The following THSD4 variants were observed in gnomAD, a reference collection of about 807,000 sequenced individuals.
THSD4 encodes the protein thrombospondin type 1 domain containing 4, also known as thrombospondin type-1 domain-containing protein 4.
THSD4 carries 69 observed loss-of-function variants against 119.0 expected under a neutral mutation model. The ratio of observed to expected loss-of-function variants is 0.58; its 90% confidence interval spans 0.48 to 0.71. THSD4 has a LOEUF of 0.71. Among genes scored for constraint, THSD4 ranks in the 30% least tolerant of loss-of-function variants. THSD4 has a pLI of 0.00. For missense variants in THSD4, 1,393 were observed against 1,391.1 expected (o/e 1.00, Z -0.02); for synonymous variants, 524 against 540.4 (o/e 0.97, Z 0.42).
chr15:71,121,599 C>T (rs1033671200), intron 1 of THSD4, among the ~76,000 whole-genome samples: 1 of 152,166 alleles, frequency 6.6e-6, no homozygotes, highest in African/African-American at 2.4e-5. Context: ...TGACATTACC[C>T]TGCCCCTCGT....
At chr15:71,604,672 A>C (rs2050074458) in intron 7 of THSD4, among the ~76,000 whole-genome samples, 1 of 152,356 alleles carries the variant, frequency 6.6e-6, no homozygotes, top group South Asian at 2.1e-4. Context: ...GAGCCCAAGG[A>C]AAGTTCTAGC....
At chr15:71,153,092 T>C (rs1443376213) in intron 2 of THSD4, among the ~76,000 whole-genome samples, 1 of 152,150 alleles carries the variant, frequency 6.6e-6, no homozygotes, top group Non-Finnish European at 1.5e-5. Flanking sequence ...GTTTGGCCTT[T>C]AGATGTTTTT....
chr15:71,184,367 G>C (rs529154876), intron 3 of THSD4, among the ~76,000 whole-genome samples: 5 of 151,748 alleles, frequency 3.3e-5, no homozygotes, highest in Non-Finnish European at 7.4e-5. Context: ...GGGAAATCTT[G>C]CTGTGTGAGA....
At chr15:71,591,512 C>G (rs1469091828) in intron 7 of THSD4, among the ~76,000 whole-genome samples, 1 of 152,208 alleles carries the variant, frequency 6.6e-6, no homozygotes, top group African/African-American at 2.4e-5. Flanking sequence ...AGGAGCAGAT[C>G]ATCCCCTGGG....
chr15:71,583,440 C>T (rs2049597251), intron 7 of THSD4, among the ~76,000 whole-genome samples: 1 of 146,504 alleles, frequency 6.8e-6, no homozygotes, highest in Admixed American at 7.0e-5. Flanking sequence ...TTTCTTCCTT[C>T]TGTGAATTTT....
intron 3 of THSD4, chr15:71,187,231 C>T (rs2141433645): frequency 6.5e-6 from 1 of 152,754 alleles, no homozygotes; most frequent in East Asian, 1.9e-4. Context: ...TCCCTTCCTC[C>T]ACACCCTTTC....
chr15:71,543,288 C>T (rs2048787453), intron 7 of THSD4, among the ~76,000 whole-genome samples: 1 of 152,104 alleles, frequency 6.6e-6, no homozygotes, highest in Non-Finnish European at 1.5e-5. Flanking sequence ...AGGAGAGTGA[C>T]ATGATTGGAG....
chr15:71,181,320 C>G lies in THSD4; in HGVS notation c.99+26388C>G, dbSNP rs144938433. Among the ~76,000 whole-genome samples, 414 of 152,314 alleles carry G rather than the reference C, an allele frequency of 2.7e-3. 1 individual carries two copies. The highest frequency in any genetic ancestry group is 4.3e-3 in the Non-Finnish European group (294 of 68,020). On this transcript the variant is annotated intron_variant, in intron 3 of 17. Coordinates refer to ENST00000261862, the MANE Select transcript of THSD4 (RefSeq NM_024817.3). ...TCAGTGTTCACTAATTTGTGCTGCT[C>G]TAAATTTCTTGGATTCAAAGTCAAC...
intron 5 of THSD4, among the ~76,000 whole-genome samples, chr15:71,253,326 G>A (rs184239603): frequency 3.9e-5 from 6 of 152,286 alleles, no homozygotes; most frequent in East Asian, 1.9e-4. Flanking sequence ...GTATTAAGCC[G>A]TACCCTAAGA....
At chr15:71,260,562 G>C (rs796090806) in intron 6 of THSD4, among the ~76,000 whole-genome samples, 1 of 152,174 alleles carries the variant, frequency 6.6e-6, no homozygotes, top group South Asian at 2.1e-4. Flanking sequence ...TGATCAGAAA[G>C]GTATTTTGTT....
At chr15:71,466,734 G>C (rs1054156871) in intron 7 of THSD4, among the ~76,000 whole-genome samples, 2 of 152,204 alleles carry the variant, frequency 1.3e-5, no homozygotes, top group Non-Finnish European at 2.9e-5. Context: ...AGCCAGGGCT[G>C]TCTTTCTAGG....
chr15:71,323,468 G>A (rs2045300475), intron 6 of THSD4, among the ~76,000 whole-genome samples: 1 of 152,236 alleles, frequency 6.6e-6, no homozygotes, highest in Non-Finnish European at 1.5e-5. Flanking sequence ...GAGAGCCAGT[G>A]GGGGCAGGTA....
chr15:71,497,550 T>C (rs2048041199), intron 7 of THSD4, among the ~76,000 whole-genome samples: 1 of 151,826 alleles, frequency 6.6e-6, no homozygotes, highest in African/African-American at 2.4e-5. Context: ...AGTGAAATAA[T>C]ATATATACAC....
intron 2 of THSD4, among the ~76,000 whole-genome samples, chr15:71,146,363 G>A (rs1001781313): frequency 6.6e-6 from 1 of 151,646 alleles, no homozygotes; most frequent in South Asian, 2.1e-4. Flanking sequence ...AGCAGTCTGA[G>A]TACCAGAATG....
chr15:71,353,905 C>T (rs768053000), intron 6 of THSD4, among the ~76,000 whole-genome samples: 2 of 152,126 alleles, frequency 1.3e-5, no homozygotes, highest in African/African-American at 4.8e-5. Context: ...GGTTATTACA[C>T]GTATGAGTAA....
chr15:71,270,130 C>G (rs2044511382), intron 6 of THSD4, among the ~76,000 whole-genome samples: 1 of 152,182 alleles, frequency 6.6e-6, no homozygotes, highest in African/African-American at 2.4e-5. Flanking sequence ...CCAAAAAGAG[C>G]CCATATAGCC....
intron 6 of THSD4, chr15:71,341,702 T>C: frequency 8.4e-7 from 1 of 1,192,168 alleles, no homozygotes; most frequent in Non-Finnish European, 1.3e-6. Flanking sequence ...GTCAAGTGAA[T>C]AGCGAACCAT....
intron 7 of THSD4, among the ~76,000 whole-genome samples, chr15:71,442,664 A>ATGTG (rs1414242246): frequency 1.2e-4 from 4 of 33,458 alleles, no homozygotes; most frequent in African/African-American, 2.7e-4. Context: ...GTGTGTGTAT[A>ATGTG]TATATATATA....
At chr15:71,156,377 C>T (rs567588909) in intron 3 of THSD4, among the ~76,000 whole-genome samples, 1 of 152,024 alleles carries the variant, frequency 6.6e-6, no homozygotes, top group South Asian at 2.1e-4. Flanking sequence ...TCTGCCTCAT[C>T]CTCCCAAGTA....
Sources: allele counts gnomAD v4.1 joint callset (sites outside exome capture counted in the v4.1 genomes callset), GRCh38; gene constraint gnomAD v4.1.1; transcripts MANE v1.5; gene names NCBI Gene and HGNC (gene_info 2026-07-23, HGNC 2026-07-21).